Variants in PKHD1 observed in about 807,000 individuals in gnomAD.
The protein encoded by PKHD1 is fibrocystin.
In PKHD1, 291 loss-of-function variants were observed where a neutral mutation model predicts 412.0. That is an observed-to-expected ratio of 0.71 (90% CI 0.64 to 0.78). PKHD1 has a LOEUF of 0.78. Among genes scored for constraint, PKHD1 ranks in the 30% least tolerant of loss-of-function variants. The pLI, the probability that PKHD1 is intolerant of heterozygous loss-of-function variation, is 0.00. For missense variants in PKHD1, 4,825 were observed against 4,950.7 expected, an observed-to-expected ratio of 0.97 and a Z score of 0.76; for synonymous variants, 1,777 against 1,821.5, an observed-to-expected ratio of 0.98 and a Z score of 0.62.
intron 60 of PKHD1, chr6:51,721,782 T>G: frequency 7.0e-7 from 1 of 1,427,798 alleles, no homozygotes; most frequent in Non-Finnish European, 9.1e-7. Context: ...TCCTCTCTTT[T>G]GTATTTCTTT....
chr6:51,780,318 G>A (rs4326235), intron 53 of PKHD1, among the ~76,000 whole-genome samples: 88,698 of 151,312 alleles, frequency 0.59, 26,731 homozygotes, highest in East Asian at 0.83. Flanking sequence ...TCCCAGTTGC[G>A]GAGGTTGCAG....
intron 34 of PKHD1, among the ~76,000 whole-genome samples, chr6:52,012,825 G>A (rs1799977052): frequency 6.6e-6 from 1 of 152,092 alleles, no homozygotes; most frequent in Non-Finnish European, 1.5e-5. Context: ...AAATGAAGTT[G>A]GTTTCCCACA....
chr6:51,855,807 C>G, intron 49 of PKHD1, 86 bp downstream of exon 49: 1 of 1,027,730 alleles, frequency 9.7e-7, no homozygotes, highest in East Asian at 2.4e-5. Flanking sequence ...AGATAACCTG[C>G]TCCTCTTTCA....
intron 60 of PKHD1, among the ~76,000 whole-genome samples, chr6:51,713,693 G>A (rs866698998): frequency 2.4e-4 from 36 of 152,108 alleles, no homozygotes; most frequent in African/African-American, 8.2e-4. Flanking sequence ...TGCCTGGCAT[G>A]GACAATACCT....
intron 53 of PKHD1, among the ~76,000 whole-genome samples, chr6:51,786,416 C>T (rs1792863592): frequency 6.6e-6 from 1 of 152,202 alleles, no homozygotes; most frequent in East Asian, 1.9e-4. Context: ...ATTCTCTACA[C>T]TTCCAGCACT....
chr6:51,863,315 T>C (rs1307207496), intron 48 of PKHD1, among the ~76,000 whole-genome samples: 1 of 152,164 alleles, frequency 6.6e-6, no homozygotes, highest in Non-Finnish European at 1.5e-5. Context: ...TCAGCCAACC[T>C]ACAAAATCTT....
chr6:51,995,794 T>C (rs576244045), intron 35 of PKHD1, among the ~76,000 whole-genome samples: 1 of 152,356 alleles, frequency 6.6e-6, no homozygotes, highest in South Asian at 2.1e-4. Context: ...TATTTCTCTG[T>C]AGACTTAAAG....
At chr6:52,039,540 C>T (rs1022218645) in intron 27 of PKHD1, among the ~76,000 whole-genome samples, 1 of 152,184 alleles carries the variant, frequency 6.6e-6, no homozygotes, top group Non-Finnish European at 1.5e-5. Context: ...GTATAGCCTG[C>T]TGAACTGTGA....
At chr6:51,807,481 G>GTATA (rs1295167915) in intron 52 of PKHD1, among the ~76,000 whole-genome samples, 14 of 55,812 alleles carry the variant, frequency 2.5e-4, no homozygotes, top group East Asian at 7.0e-4. Context: ...ATATATATAT[G>GTATA]TATATGTGTG....
At chr6:51,911,319 AT>A (rs1329195723) in intron 39 of PKHD1, among the ~76,000 whole-genome samples, 1 of 152,152 alleles carries the variant, frequency 6.6e-6, no homozygotes, top group South Asian at 2.1e-4. Context: ...TAGAAGATAA[AT>A]TGAATTTTTC....
chr6:51,660,496 C>G (rs1772654791), intron 60 of PKHD1, among the ~76,000 whole-genome samples: 1 of 152,098 alleles, frequency 6.6e-6, no homozygotes, highest in Admixed American at 6.6e-5. Context: ...GTCTTACAAG[C>G]ATGCCCCTAT....
Position 51,903,642 on chromosome 6 carries a change from C to T in PKHD1, c.6951G>A (p.Leu2317=), listed in dbSNP as rs2127622175. Residue 2317 remains leucine, a synonymous_variant, in exon 43 of 67, where the codon TTG becomes TTA. Coordinates refer to ENST00000371117, the MANE Select transcript of PKHD1 (RefSeq NM_138694.4). The stretch of plus-strand genomic sequence containing the variant: ...TGCAGATATAGATGCCAGATGGTGT[C>T]AACATTTCAGGATTGGAGAGTCCCT... The part of the protein sequence containing the change: ...GAEGLSNPEM[L]TPSGIYICSP... The T allele has an allele frequency of 1.2e-6, 2 of 1,611,758 alleles. No homozygotes were observed. Among genetic ancestry groups the T allele is most frequent in the Non-Finnish European group, 1.7e-6 (2 of 1,178,312 alleles).
intron 55 of PKHD1, among the ~76,000 whole-genome samples, chr6:51,765,134 T>C (rs1788764726): frequency 6.6e-6 from 1 of 152,000 alleles, no homozygotes; most frequent in Non-Finnish European, 1.5e-5. Flanking sequence ...CCTCCATTCA[T>C]CAGTGTGCTC....
intron 60 of PKHD1, among the ~76,000 whole-genome samples, chr6:51,661,306 T>C (rs1025465681): frequency 3.3e-5 from 5 of 152,028 alleles, no homozygotes; most frequent in African/African-American, 1.2e-4. Context: ...GATATAGATA[T>C]AGAAAGAATC....
intron 27 of PKHD1, among the ~76,000 whole-genome samples, chr6:52,039,655 A>G (rs1242157424): frequency 1.3e-5 from 2 of 152,240 alleles, no homozygotes; most frequent in Non-Finnish European, 2.9e-5. Context: ...TATTGCTAGT[A>G]GGAATGTAAA....
intron 52 of PKHD1, among the ~76,000 whole-genome samples, chr6:51,823,255 T>C (rs754695407): frequency 7.2e-5 from 11 of 152,146 alleles, no homozygotes; most frequent in African/African-American, 2.7e-4. Context: ...AAAGTAGTTA[T>C]TCTCTAGATG....
intron 60 of PKHD1, among the ~76,000 whole-genome samples, chr6:51,686,386 C>T (rs1237214109): frequency 6.6e-6 from 1 of 152,142 alleles, no homozygotes; most frequent in Non-Finnish European, 1.5e-5. Context: ...CTTGCTAATC[C>T]TCACACACTG....
At chr6:52,036,370 C>T (rs1803950811) in intron 27 of PKHD1, among the ~76,000 whole-genome samples, 1 of 152,246 alleles carries the variant, frequency 6.6e-6, no homozygotes, top group African/African-American at 2.4e-5. Flanking sequence ...ATCCCCATTT[C>T]TTCCCTGCAG....
At chr6:51,630,219 A>C (rs1767760569) in intron 65 of PKHD1, among the ~76,000 whole-genome samples, 1 of 152,162 alleles carries the variant, frequency 6.6e-6, no homozygotes, top group South Asian at 2.1e-4. Context: ...TGCAGTAAGA[A>C]AGAAGAATGT....
Sources: allele counts gnomAD v4.1 joint callset (sites outside exome capture counted in the v4.1 genomes callset), GRCh38; gene constraint gnomAD v4.1.1; transcripts MANE v1.5; gene names NCBI Gene and HGNC (gene_info 2026-07-23, HGNC 2026-07-21).